Variants in CACNA2D2 observed in about 807,000 individuals in gnomAD.
The protein encoded by CACNA2D2 is calcium voltage-gated channel auxiliary subunit alpha2delta 2.
CACNA2D2 carries 48 observed loss-of-function variants against 166.4 expected under a neutral mutation model. That is an observed-to-expected ratio of 0.29 (90% CI 0.23 to 0.37). CACNA2D2 has a LOEUF of 0.37. Among genes scored for constraint, CACNA2D2 ranks in the 10% least tolerant of loss-of-function variants. The probability of loss-of-function intolerance (pLI) is 1.00; values close to 1 mark genes in which losing one functional copy is unlikely to be tolerated. For missense variants in CACNA2D2, 1,122 were observed against 1,433.0 expected (o/e 0.78, Z 3.50); for synonymous variants, 561 against 573.7 (o/e 0.98, Z 0.32).
intron 2 of CACNA2D2, among the ~76,000 whole-genome samples, chr3:50,442,341 G>A (rs1214725878): frequency 6.6e-6 from 1 of 152,236 alleles, no homozygotes; most frequent in African/African-American, 2.4e-5. Flanking sequence ...CATCCACGAT[G>A]TATCTCCAAG....
rs898918188 is a variant in CACNA2D2, at chr3:50,365,598, C to T, written c.2971+35G>A. On this transcript the variant is annotated intron_variant, in intron 34 of 37. Coordinates refer to ENST00000424201, the MANE Select transcript of CACNA2D2 (RefSeq NM_006030.4). This position sits in a 1 kb window ranked among gnomAD's most constrained non-coding sequence, Gnocchi z 4.5. ...GTCGTCTTAGCTCAGATTGGGGACCCGGACTTGAGGAGGCGCCTCCAAAGC... is the reference window on the plus strand; with the variant it reads ...GTCGTCTTAGCTCAGATTGGGGACCTGGACTTGAGGAGGCGCCTCCAAAGC... 2 of 1,573,578 alleles carry T rather than the reference C, an allele frequency of 1.3e-6. No homozygotes were observed. The highest frequency in any genetic ancestry group is 1.3e-5 in the African/African-American group (1 of 74,488).
At position 50,379,655 on chromosome 3, in the gene CACNA2D2, C is replaced by G; in HGVS notation, c.994-65G>C. On this transcript the variant is annotated intron_variant, in intron 10 of 37. Coordinates refer to ENST00000424201, the MANE Select transcript of CACNA2D2 (RefSeq NM_006030.4). The surrounding 1 kb of genome is among the most constrained non-coding windows in gnomAD (Gnocchi z 6.5). ...CGGGGTAGGCAGCTATTGCATGGGGCTGGTGATGGTCACAGGAGCAGGGCA... is the reference window on the plus strand; with the variant it reads ...CGGGGTAGGCAGCTATTGCATGGGGGTGGTGATGGTCACAGGAGCAGGGCA... 6.2e-7 allele frequency: 1 copy of G among 1,611,932 alleles called. No individual in the cohort carries two copies. Among genetic ancestry groups the G allele is most frequent in the Non-Finnish European group, 8.5e-7 (1 of 1,178,600 alleles).
At chr3:50,405,652 T>C (rs775116430) in intron 3 of CACNA2D2, among the ~76,000 whole-genome samples, 13 of 152,166 alleles carry the variant, frequency 8.5e-5, no homozygotes, top group Non-Finnish European at 1.6e-4. Context: ...CTGGGCACTC[T>C]TACTAAACAC....
intron 4 of CACNA2D2, among the ~76,000 whole-genome samples, chr3:50,389,273 A>G (rs971739526): frequency 6.6e-6 from 1 of 152,260 alleles, no homozygotes; most frequent in Non-Finnish European, 1.5e-5. Flanking sequence ...AAGGAGTTTC[A>G]GTTGACGAAG....
intron 5 of CACNA2D2, among the ~76,000 whole-genome samples, chr3:50,386,569 C>T (rs1056625404): frequency 3.3e-5 from 5 of 152,330 alleles, no homozygotes; most frequent in East Asian, 1.9e-4. Context: ...GAGCCCACCC[C>T]GCTCCGTCTC....
chr3:50,470,300 C>G (rs1339578084), intron 2 of CACNA2D2, among the ~76,000 whole-genome samples: 2 of 152,202 alleles, frequency 1.3e-5, no homozygotes, highest in African/African-American at 4.8e-5. Flanking sequence ...GGGACCCATA[C>G]CTGGCCCAGC....
chr3:50,364,609 T>C lies in CACNA2D2; in HGVS notation c.*57A>G, dbSNP rs1229200250. ...AGGCGGGGAGTGTGGGGCAGGAGGG[T>C]GGGAAAGGCGAAGAGGCCGGGTGAG... On this transcript the variant is annotated 3_prime_UTR_variant, in exon 38 of 38. Transcript: ENST00000424201. The C allele has an allele frequency of 7.1e-7, 1 of 1,398,974 alleles. No individual in the cohort carries two copies. The highest frequency in any genetic ancestry group is 2.6e-5 in the East Asian group (1 of 37,982). 86.7% of individuals were successfully genotyped at this position (1,398,974 alleles called of 1,614,324 possible). A position where few individuals can be genotyped will look rare whatever the true frequency, so the allele number is the denominator to read the frequency against.
At chr3:50,475,960 C>T (rs1344899840) in intron 2 of CACNA2D2, among the ~76,000 whole-genome samples, 158 bp downstream of exon 2, 1 of 152,222 alleles carries the variant, frequency 6.6e-6, no homozygotes, top group Non-Finnish European at 1.5e-5. Flanking sequence ...AGGAGTGCTG[C>T]CCATCCAGTC....
At chr3:50,425,055 G>C (rs1287478791) in intron 3 of CACNA2D2, among the ~76,000 whole-genome samples, 1 of 152,160 alleles carries the variant, frequency 6.6e-6, no homozygotes, top group Non-Finnish European at 1.5e-5. Flanking sequence ...AGTGGGGCCA[G>C]AGAAGTGACT....
chr3:50,434,584 G>A (rs1708223415), intron 2 of CACNA2D2, among the ~76,000 whole-genome samples, 155 bp from the exon 3 acceptor site: 2 of 152,196 alleles, frequency 1.3e-5, no homozygotes, highest in Non-Finnish European at 2.9e-5. Context: ...GAAGGCCAGC[G>A]CCCCCACAGA....
At chr3:50,484,176 C>T (rs780867731) in intron 1 of CACNA2D2, among the ~76,000 whole-genome samples, 4 of 152,166 alleles carry the variant, frequency 2.6e-5, no homozygotes, top group Admixed American at 1.3e-4. Context: ...ACCTAGAACC[C>T]GCTTTCTCTC....
At position 50,380,707 on chromosome 3, in the gene CACNA2D2, C is replaced by A; in HGVS notation, c.842+41G>T. On this transcript the variant is annotated intron_variant, in intron 8 of 37. Coordinates refer to ENST00000424201, the MANE Select transcript of CACNA2D2 (RefSeq NM_006030.4). The surrounding 1 kb of genome is among the most constrained non-coding windows in gnomAD (Gnocchi z 4.9). ...GGGAGCAGGCAGGAAAGGTGGGGAACTGAGGGGGTGTCCCTCCCCAGCCCC... is the reference window on the plus strand; with the variant it reads ...GGGAGCAGGCAGGAAAGGTGGGGAAATGAGGGGGTGTCCCTCCCCAGCCCC... 1 of 1,443,090 alleles carries A rather than the reference C, an allele frequency of 6.9e-7. No homozygotes were observed. Among genetic ancestry groups the A allele is most frequent in the Admixed American group, 2.6e-5 (1 of 38,202 alleles). 89.4% of individuals were successfully genotyped at this position (1,443,090 alleles called of 1,614,324 possible).
intron 4 of CACNA2D2, among the ~76,000 whole-genome samples, chr3:50,393,339 G>C (rs1281707132): frequency 6.6e-6 from 1 of 152,206 alleles, no homozygotes; most frequent in East Asian, 1.9e-4. Flanking sequence ...CAGGAGCCCT[G>C]CCAACTAGTC....
rs1575604048 is a variant in CACNA2D2 at position 50,380,272 on chromosome 3, G to C, written c.843-254C>G. On this transcript the variant is annotated intron_variant, in intron 8 of 37. Coordinates refer to ENST00000424201, the MANE Select transcript of CACNA2D2 (RefSeq NM_006030.4). This position sits in a 1 kb window ranked among gnomAD's most constrained non-coding sequence, Gnocchi z 4.9. Reference sequence around the variant, plus strand: ...CAGGTGATCCCCAGAGGGGGCAGGAGCCACATTCCCTGGCTTCAGTGGCTT... The same window carrying C: ...CAGGTGATCCCCAGAGGGGGCAGGACCCACATTCCCTGGCTTCAGTGGCTT... Among the ~76,000 whole-genome samples the C allele has an allele frequency of 6.6e-6, 1 of 152,248 alleles. No homozygotes were observed. Among genetic ancestry groups the C allele is most frequent in the Non-Finnish European group, 1.5e-5 (1 of 68,050 alleles).
intron 1 of CACNA2D2, among the ~76,000 whole-genome samples, chr3:50,485,179 A>G (rs1296129424): frequency 6.6e-6 from 1 of 152,068 alleles, no homozygotes; most frequent in Non-Finnish European, 1.5e-5. Context: ...TATCTCTGCC[A>G]CCCTGTCCCT....
intron 1 of CACNA2D2, among the ~76,000 whole-genome samples, chr3:50,485,969 C>T (rs894314796): frequency 1.3e-5 from 2 of 152,176 alleles, no homozygotes; most frequent in African/African-American, 2.4e-5. Context: ...CCACCCACCC[C>T]GGCCACTGAC....
chr3:50,502,803 C>A (rs974752062), intron 1 of CACNA2D2, among the ~76,000 whole-genome samples: 5 of 152,238 alleles, frequency 3.3e-5, no homozygotes, highest in Non-Finnish European at 7.3e-5. Context: ...CGGATTCCCA[C>A]CAGGGAGGGA....
chr3:50,412,313 A>C (rs575027200), intron 3 of CACNA2D2, among the ~76,000 whole-genome samples: 1 of 152,300 alleles, frequency 6.6e-6, no homozygotes, highest in Non-Finnish European at 1.5e-5. Context: ...GCTCTGAGCC[A>C]CCACCCCAAT....
In CACNA2D2 at chr3:50,368,061, C is replaced by G. The variant is rs1356669068; in HGVS notation, c.2143+77G>C. On this transcript the variant is annotated intron_variant, in intron 24 of 37. Transcript: ENST00000424201. ...GTGCCTGCTTATTTCCACACCTGCC[C>G]GGCCTCTGGGTTCCTCTGGGCTGGC... 16 of 1,255,160 alleles carry G rather than the reference C, an allele frequency of 1.3e-5. No individual in the cohort carries two copies. The East Asian group carries it at 3.5e-4, about 27-fold the overall frequency. The allele number at this position is 1,255,160 out of a possible 1,614,324, so 77.8% of individuals were successfully genotyped here.
Sources: gnomAD v4.1 joint callset for allele counts (sites outside exome capture counted in the v4.1 genomes callset) on GRCh38, gnomAD v4.1.1 for gene constraint, Gnocchi (gnomAD v3.1) non-coding constraint, MANE v1.5 for transcripts, NCBI Gene and HGNC (gene_info 2026-07-23, HGNC 2026-07-21) for gene names.